C1orf87: variants seen among roughly 807,000 people sequenced by gnomAD.
C1orf87 encodes the protein chromosome 1 open reading frame 87.
C1orf87 carries 58 observed loss-of-function variants against 60.5 expected under a neutral mutation model. That is an observed-to-expected ratio of 0.96 (90% CI 0.78 to 1.19). The LOEUF is 1.19. Ranked by LOEUF, C1orf87 falls within the 50% of genes most tolerant of loss-of-function variation. The probability of loss-of-function intolerance (pLI) is 0.00; values close to 1 mark genes in which losing one functional copy is unlikely to be tolerated. For missense variants in C1orf87, 673 were observed against 638.6 expected (o/e 1.05, Z -0.58); for synonymous variants, 236 against 227.4 (o/e 1.04, Z -0.34).
chr1:60,025,254 G>A, intron 8 of C1orf87, 147 bp downstream of exon 8: 1 of 565,522 alleles, frequency 1.8e-6, no homozygotes, highest in Non-Finnish European at 3.1e-6. Context: ...TCATCATGGG[G>A]GTTTCACCTT....
intron 3 of C1orf87, among the ~76,000 whole-genome samples, chr1:60,044,068 T>TGTCCAGGCTG (rs1645347342): frequency 6.6e-6 from 1 of 152,166 alleles, no homozygotes; most frequent in Admixed American, 6.5e-5. Context: ...CTCGCTCTGT[T>TGTCCAGGCTG]GTCCAGGCTG....
Position 60,030,717 on chromosome 1 carries a change from C to A in C1orf87, c.1029+2759G>T, listed in dbSNP as rs370286825. On this transcript the variant is annotated intron_variant, in intron 7 of 11. Transcript: ENST00000371201. ...TTCTACAACCCTATTGAATCTACATCTGACTTGGGTAATAGTTGGGGAAGT... is the reference window on the plus strand; with the variant it reads ...TTCTACAACCCTATTGAATCTACATATGACTTGGGTAATAGTTGGGGAAGT... 5.9e-5 allele frequency among the ~76,000 whole-genome samples: 9 copies of A among 152,372 alleles called. No homozygotes were observed. In the East Asian group the frequency reaches 1.7e-3, roughly 29 times the overall value.
chr1:60,008,998 G>T, intron 9 of C1orf87: 1 of 190,052 alleles, frequency 5.3e-6, no homozygotes, highest in Non-Finnish European at 1.1e-5. Context: ...GCTTTCTACA[G>T]TTACTAATGT....
At chr1:60,060,579 G>A (rs1394741163) in intron 2 of C1orf87, among the ~76,000 whole-genome samples, 2 of 152,082 alleles carry the variant, frequency 1.3e-5, no homozygotes, top group East Asian at 3.9e-4. Flanking sequence ...GTAGTAGATA[G>A]GAACTCAAGA....
intron 11 of C1orf87, among the ~76,000 whole-genome samples, chr1:59,994,679 C>T (rs1644951041): frequency 6.6e-6 from 1 of 152,066 alleles, no homozygotes; most frequent in African/African-American, 2.4e-5. Flanking sequence ...TTCCTTATCC[C>T]TTCTCCTCAA....
Position 59,997,684 on chromosome 1 carries a change from C to T in C1orf87, c.1405G>A (p.Glu469Lys). 6.2e-7 allele frequency: 1 copy of T among 1,613,988 alleles called. No homozygotes were observed. The highest frequency in any genetic ancestry group is 8.5e-7 in the Non-Finnish European group (1 of 1,179,914). The change falls in exon 11 of 12, where the codon GAG becomes AAG. Residue 469 changes from glutamate to lysine, a missense_variant. Glu to Lys is a moderately conservative substitution (Grantham distance 56). Transcript: ENST00000371201. ...CTGTCTATCCACGTCTCACATTCCT[C>T]AGCCTTGTTCTTCACAGCTGGATTC... The part of the protein sequence containing the change: ...FVNPAVKNKA[E>K]ECETWIDRFR...
chr1:59,997,523 T>C, intron 11 of C1orf87, 86 bp downstream of exon 11: 1 of 1,225,982 alleles, frequency 8.2e-7, no homozygotes, highest in Non-Finnish European at 1.2e-6. Context: ...GTATCATTTG[T>C]TCAAGAGGCA....
At chr1:60,045,404 T>G (rs148358692) in intron 3 of C1orf87, among the ~76,000 whole-genome samples, 78 of 152,338 alleles carry the variant, frequency 5.1e-4, no homozygotes, top group African/African-American at 1.9e-3. Flanking sequence ...ATACAATACA[T>G]ATTGATATTA....
At chr1:60,017,767 T>C (rs1288122157) in intron 8 of C1orf87, among the ~76,000 whole-genome samples, 9 of 152,266 alleles carry the variant, frequency 5.9e-5, no homozygotes, top group Non-Finnish European at 1.2e-4. Context: ...AGATTTGAAA[T>C]CGTAATCAAG....
At chr1:60,014,751 A>C (rs1645113764) in intron 8 of C1orf87, among the ~76,000 whole-genome samples, 1 of 152,118 alleles carries the variant, frequency 6.6e-6, no homozygotes, top group African/African-American at 2.4e-5. Flanking sequence ...AATGAACAGT[A>C]TGTACAGTAT....
chr1:59,997,420 T>C (rs576447600), intron 11 of C1orf87, among the ~76,000 whole-genome samples, 189 bp downstream of exon 11: 4 of 152,170 alleles, frequency 2.6e-5, no homozygotes, highest in Non-Finnish European at 5.9e-5. Context: ...AGAGAAATTA[T>C]AAGCAATCTG....
At chr1:60,050,443 C>T (rs1645406120) in intron 3 of C1orf87, among the ~76,000 whole-genome samples, 1 of 150,664 alleles carries the variant, frequency 6.6e-6, no homozygotes, top group Non-Finnish European at 1.5e-5. Flanking sequence ...ATTTTATCTT[C>T]TAACTCATTT....
At chr1:60,019,942 G>A (rs1553126767) in intron 8 of C1orf87, among the ~76,000 whole-genome samples, 1 of 152,150 alleles carries the variant, frequency 6.6e-6, no homozygotes, top group Non-Finnish European at 1.5e-5. Flanking sequence ...TAAAAGGGAA[G>A]CAGAGCAAAA....
rs1444975893 is a variant in C1orf87, at chr1:60,072,522, C to G, written c.107+15G>C. On this transcript the variant is annotated intron_variant, in intron 2 of 11. Transcript: ENST00000371201. ...TCATCCAAGCAACATAGATATTTTT[C>G]AAATATGGACTTACATCTTTGGCTT... 6.4e-7 allele frequency: 1 copy of G among 1,550,888 alleles called. No individual in the cohort carries two copies. Among genetic ancestry groups the G allele is most frequent in the African/African-American group, 1.4e-5 (1 of 72,816 alleles).
intron 6 of C1orf87, among the ~76,000 whole-genome samples, chr1:60,036,231 A>G (rs991160409): frequency 1.3e-5 from 2 of 152,206 alleles, no homozygotes; most frequent in African/African-American, 4.8e-5. Flanking sequence ...TGTGCCCAGC[A>G]AAGTAAGCCT....
intron 9 of C1orf87, among the ~76,000 whole-genome samples, chr1:60,005,707 A>T (rs574075233): frequency 2.6e-5 from 4 of 151,936 alleles, no homozygotes; most frequent in African/African-American, 9.6e-5. Context: ...GGGAAGAGAA[A>T]TGGGTGAAGT....
chr1:60,043,526 C>T (rs1357716651), intron 3 of C1orf87, among the ~76,000 whole-genome samples: 3 of 152,096 alleles, frequency 2.0e-5, no homozygotes, highest in African/African-American at 4.8e-5. Flanking sequence ...GAACTACAGG[C>T]GGATGCCACC....
chr1:60,026,157 T>C (rs1446254586), intron 7 of C1orf87, among the ~76,000 whole-genome samples: 1 of 152,162 alleles, frequency 6.6e-6, no homozygotes, highest in Non-Finnish European at 1.5e-5. Context: ...TAGATTCAAA[T>C]ATTTCAAACT....
At chr1:60,016,573 A>G (rs1396567718) in intron 8 of C1orf87, among the ~76,000 whole-genome samples, 1 of 152,224 alleles carries the variant, frequency 6.6e-6, no homozygotes, top group East Asian at 1.9e-4. Context: ...CCCTTTTGAC[A>G]GATGGGAAAA....
Sources: gnomAD v4.1 joint callset for allele counts (sites outside exome capture counted in the v4.1 genomes callset) on GRCh38, gnomAD v4.1.1 for gene constraint, MANE v1.5 for transcripts, NCBI Gene and HGNC (gene_info 2026-07-23, HGNC 2026-07-21) for gene names.